SMCHD1: variants seen among roughly 807,000 people sequenced by gnomAD.
SMCHD1 encodes the protein structural maintenance of chromosomes flexible hinge domain-containing protein 1.
Under a neutral mutation model 254.7 loss-of-function variants are expected in SMCHD1, and 78 were observed. That is an observed-to-expected ratio of 0.31 (90% CI 0.26 to 0.37). SMCHD1 has a LOEUF of 0.37. SMCHD1 is among the 10% of genes least tolerant of loss of function. The pLI is 1.00. For synonymous variants in SMCHD1, 766 were observed against 794.9 expected (o/e 0.96, Z 0.61); for missense variants, 1,840 against 2,408.1 (o/e 0.76, Z 4.94).
Position 2,662,177 on chromosome 18 carries a change from AAT to A in SMCHD1, c.187-3978_187-3977del, listed in dbSNP as rs1283788702. Among the ~76,000 whole-genome samples, 651 of 80,962 alleles carry A rather than the reference AAT, an allele frequency of 8.0e-3. 36 individuals are homozygous for A. Among genetic ancestry groups the A allele is most frequent in the African/African-American group, 0.058 (600 of 10,284 alleles). 53.1% of individuals were successfully genotyped at this position (80,962 alleles called of 152,430 possible). A position where few individuals can be genotyped will look rare whatever the true frequency, so the allele number is the denominator to read the frequency against. ...CGAGACTCCGTCTCAAAAAAAAAAA[AAT>A]AAAATAAATAAATAAATAAATAAAG... On this transcript the variant is annotated intron_variant, in intron 1 of 47. Coordinates refer to ENST00000320876, the MANE Select transcript of SMCHD1 (RefSeq NM_015295.3).
intron 44 of SMCHD1, among the ~76,000 whole-genome samples, chr18:2,783,396 G>A (rs1004030122): frequency 6.6e-6 from 1 of 152,092 alleles, no homozygotes; most frequent in African/African-American, 2.4e-5. Context: ...GTGTGTGTGT[G>A]TGCATTTTAA....
At chr18:2,785,549 G>A (rs998481480) in intron 45 of SMCHD1, among the ~76,000 whole-genome samples, 11 of 149,582 alleles carry the variant, frequency 7.4e-5, no homozygotes, top group East Asian at 6.0e-4. Flanking sequence ...CTACTTGGGA[G>A]ACTGAGGTAG....
chr18:2,709,232 G>GTGTATATATATA (rs3037640), intron 17 of SMCHD1, among the ~76,000 whole-genome samples: 2 of 79,702 alleles, frequency 2.5e-5, no homozygotes, highest in East Asian at 3.6e-4. Flanking sequence ...GTGTATATGT[G>GTGTATATATATA]TATATATATA....
chr18:2,792,540 TG>T (rs2076184996), intron 45 of SMCHD1, among the ~76,000 whole-genome samples: 1 of 152,200 alleles, frequency 6.6e-6, no homozygotes, highest in African/African-American at 2.4e-5. Context: ...AGACATCCAC[TG>T]GGGGTCTTGG....
At chr18:2,719,276 C>T (rs551692159) in intron 19 of SMCHD1, among the ~76,000 whole-genome samples, 18 of 150,238 alleles carry the variant, frequency 1.2e-4, no homozygotes, top group Admixed American at 6.7e-4. Flanking sequence ...TCTCCTCTCT[C>T]CCCTCTCCCC....
chr18:2,682,624 CT>C (rs2073959107), intron 5 of SMCHD1, among the ~76,000 whole-genome samples: 1 of 152,188 alleles, frequency 6.6e-6, no homozygotes, highest in African/African-American at 2.4e-5. Flanking sequence ...GCCCGGCCCC[CT>C]GATACTTTTT....
chr18:2,717,821 A>T (rs1203827413), intron 17 of SMCHD1, among the ~76,000 whole-genome samples: 1 of 152,010 alleles, frequency 6.6e-6, no homozygotes, highest in East Asian at 1.9e-4. Context: ...TGTTTTTTTT[A>T]ATATTTACAT....
chr18:2,752,472 C>G lies in SMCHD1; in HGVS notation c.4282-16C>G, dbSNP rs746082747. The G allele has an allele frequency of 6.3e-7, 1 of 1,581,608 alleles. No homozygotes were observed. The highest frequency in any genetic ancestry group is 8.7e-7 in the Non-Finnish European group (1 of 1,151,254). ...TCATTTTCCCCTCTCCCCTTCTCTC[C>G]TACTCCCCTTTCTAGGCAGAAACAT... On this transcript the variant is annotated splice_polypyrimidine_tract_variant and intron_variant, in intron 33 of 47. Transcript: ENST00000320876.
chr18:2,700,043 CT>C (rs2074367256), intron 10 of SMCHD1, among the ~76,000 whole-genome samples: 1 of 152,170 alleles, frequency 6.6e-6, no homozygotes, highest in Non-Finnish European at 1.5e-5. Context: ...TTCATGCTTA[CT>C]TGAATCTGAA....
chr18:2,716,377 C>T (rs1415191838), intron 17 of SMCHD1, among the ~76,000 whole-genome samples: 1 of 152,104 alleles, frequency 6.6e-6, no homozygotes, highest in Non-Finnish European at 1.5e-5. Context: ...GCCTCCTGTC[C>T]GGTATGTGGT....
chr18:2,686,553 A>AT (rs537028567), intron 5 of SMCHD1, among the ~76,000 whole-genome samples: 233 of 150,302 alleles, frequency 1.6e-3, no homozygotes, highest in African/African-American at 4.9e-3. Flanking sequence ...TTGTTTTAAG[A>AT]TTTTTTTTTT....
At chr18:2,722,733 A>T in intron 20 of SMCHD1, 70 bp downstream of exon 20, 1 of 1,392,468 alleles carries the variant, frequency 7.2e-7, no homozygotes, top group East Asian at 2.4e-5. Context: ...TTTCAGCTTC[A>T]TTTTTTTTGT....
chr18:2,747,836 A>AGT (rs1339501917), intron 30 of SMCHD1, among the ~76,000 whole-genome samples, 189 bp downstream of exon 30: 7 of 152,222 alleles, frequency 4.6e-5, no homozygotes, highest in African/African-American at 1.4e-4. Flanking sequence ...ATCTTACAGT[A>AGT]GTACAACAAG....
In SMCHD1 at chr18:2,688,759, TTTAAC is replaced by T. The variant is rs2143052218; in HGVS notation, c.873+14_873+18del. Reference sequence around the variant, plus strand: ...TTAGAAACAGAAAGGTACAATACATTTTAACTCATAATTATAAATTTACTCCTTTG... The same window carrying T: ...TTAGAAACAGAAAGGTACAATACATTTCATAATTATAAATTTACTCCTTTG... On this transcript the variant is annotated intron_variant, in intron 7 of 47. Coordinates refer to ENST00000320876, the MANE Select transcript of SMCHD1 (RefSeq NM_015295.3). The T allele has an allele frequency of 8.0e-7, 1 of 1,257,638 alleles. No individual in the cohort carries two copies. 77.9% of individuals were successfully genotyped at this position (1,257,638 alleles called of 1,614,324 possible). A position where few individuals can be genotyped will look rare whatever the true frequency, so the allele number is the denominator to read the frequency against.
chr18:2,667,179 G>A (rs993675682), intron 3 of SMCHD1, 148 bp downstream of exon 3: 2 of 650,832 alleles, frequency 3.1e-6, no homozygotes, highest in African/African-American at 3.7e-5. Context: ...ATTCATCACG[G>A]TATTATTATG....
At chr18:2,660,855 T>G (rs893933491) in intron 1 of SMCHD1, among the ~76,000 whole-genome samples, 3 of 152,182 alleles carry the variant, frequency 2.0e-5, no homozygotes, top group Admixed American at 2.0e-4. Flanking sequence ...TTAAAAACCA[T>G]GGATTTTTAA....
intron 25 of SMCHD1, among the ~76,000 whole-genome samples, chr18:2,734,278 A>G (rs542648849): frequency 2.6e-5 from 4 of 152,124 alleles, no homozygotes; most frequent in East Asian, 1.9e-4. Context: ...CTTCTGAACT[A>G]TTTCCTTGCT....
Position 2,673,340 on chromosome 18 carries a change from G to A in SMCHD1, c.484G>A (p.Val162Ile), listed in dbSNP as rs778575281. 26 of 1,575,644 alleles carry A rather than the reference G, an allele frequency of 1.7e-5. No homozygotes were observed. Among genetic ancestry groups the A allele is most frequent in the Non-Finnish European group, 2.2e-5 (25 of 1,153,726 alleles). The change falls in exon 4 of 48, where the codon GTT (valine) becomes ATT (isoleucine). Residue 162 changes from valine to isoleucine, a missense_variant. Around this residue, in one of 9 missense-constraint regions of SMCHD1, gnomAD observed 498 missense variants for 743.5 expected, o/e 0.67. Transcript: ENST00000320876. ...SLSATSRNIGVRRIQIKLLFD... is the reference protein window; with the variant it reads ...SLSATSRNIGIRRIQIKLLFD... ...GTCTGCTACTTCTCGTAACATTGGG[G>A]TTAGAAGAATACAGATCAAATTGGT...
At chr18:2,675,194 A>G (rs959983812) in intron 5 of SMCHD1, among the ~76,000 whole-genome samples, 6 of 152,128 alleles carry the variant, frequency 3.9e-5, no homozygotes, top group Non-Finnish European at 7.4e-5. Flanking sequence ...CGCATATGGT[A>G]AACAGTCAAT....
Sources: allele counts gnomAD v4.1 joint callset (sites outside exome capture counted in the v4.1 genomes callset), GRCh38; gene constraint gnomAD v4.1.1; regional missense constraint gnomAD v4.1.1; transcripts MANE v1.5; gene names NCBI Gene and HGNC (gene_info 2026-07-23, HGNC 2026-07-21).